The following DCC variants were observed in gnomAD, a reference collection of about 807,000 sequenced individuals.
DCC encodes DCC netrin 1 receptor.
In DCC, 58 loss-of-function variants were observed where a neutral mutation model predicts 172.5. The observed-to-expected ratio is 0.34, with a 90% CI of 0.27 to 0.42. The LOEUF (loss-of-function observed/expected upper bound fraction) is 0.42. Among genes scored for constraint, DCC ranks in the 10% least tolerant of loss-of-function variants. DCC has a pLI of 1.00. For missense variants in DCC, 1,740 were observed against 1,791.0 expected, an observed-to-expected ratio of 0.97 and a Z score of 0.51; for synonymous variants, 709 against 644.5, an observed-to-expected ratio of 1.10 and a Z score of -1.52.
intron 7 of DCC, among the ~76,000 whole-genome samples, chr18:53,126,266 T>C (rs2043555192): frequency 6.6e-6 from 1 of 152,128 alleles, no homozygotes; most frequent in Non-Finnish European, 1.5e-5. Flanking sequence ...TCTTTGGCTT[T>C]CACCCCTGGG....
At chr18:52,368,532 G>A (rs117266149) in intron 1 of DCC, among the ~76,000 whole-genome samples, 1,663 of 152,232 alleles carry the variant, frequency 0.011, 22 homozygotes, top group South Asian at 0.046. Context: ...ACACTTAAGT[G>A]CCTCACACAG....
intron 15 of DCC, among the ~76,000 whole-genome samples, chr18:53,352,336 T>C (rs1450196706): frequency 6.6e-6 from 1 of 152,168 alleles, no homozygotes; most frequent in Non-Finnish European, 1.5e-5. Context: ...AAATGCTGTA[T>C]CTGGGCATTT....
At chr18:53,258,532 T>A (rs995329904) in intron 12 of DCC, among the ~76,000 whole-genome samples, 1 of 152,202 alleles carries the variant, frequency 6.6e-6, no homozygotes, top group Non-Finnish European at 1.5e-5. Context: ...TTGAGTGAGT[T>A]TCTTAATCCT....
At chr18:52,445,696 C>T (rs566515464) in intron 1 of DCC, among the ~76,000 whole-genome samples, 2 of 152,224 alleles carry the variant, frequency 1.3e-5, no homozygotes, top group Admixed American at 6.5e-5. Context: ...ACAAAAGAGA[C>T]CCAGACAAAC....
At chr18:53,123,462 G>C (rs531672963) in intron 7 of DCC, among the ~76,000 whole-genome samples, 1 of 152,020 alleles carries the variant, frequency 6.6e-6, no homozygotes, top group Non-Finnish European at 1.5e-5. Flanking sequence ...GCAGTTCCCA[G>C]AGGCCCTGCA....
chr18:53,075,561 T>TA (rs1491226416), intron 7 of DCC, among the ~76,000 whole-genome samples: 1 of 143,608 alleles, frequency 7.0e-6, no homozygotes, highest in Non-Finnish European at 1.5e-5. Context: ...TTTTTTTTTT[T>TA]AGCTCTCTAG....
intron 7 of DCC, among the ~76,000 whole-genome samples, chr18:53,078,029 T>C (rs2042746026): frequency 6.6e-6 from 1 of 152,088 alleles, no homozygotes; most frequent in South Asian, 2.1e-4. Context: ...TAACAAAGAG[T>C]AAATTCGATA....
At chr18:52,771,164 C>G (rs2037336049) in intron 2 of DCC, among the ~76,000 whole-genome samples, 1 of 152,124 alleles carries the variant, frequency 6.6e-6, no homozygotes, top group Non-Finnish European at 1.5e-5. Flanking sequence ...TGGGATGGCC[C>G]AGCATTAGAG....
At chr18:52,534,257 T>C (rs1466621480) in intron 1 of DCC, among the ~76,000 whole-genome samples, 1 of 152,142 alleles carries the variant, frequency 6.6e-6, no homozygotes, top group African/African-American at 2.4e-5. Flanking sequence ...ACATAACAAC[T>C]CTAAGATCCA....
intron 7 of DCC, among the ~76,000 whole-genome samples, chr18:53,123,692 T>C (rs2144295815): frequency 6.6e-6 from 1 of 152,238 alleles, no homozygotes; most frequent in South Asian, 2.1e-4. Context: ...TTGGTTTTTC[T>C]TTGTTTCATT....
intron 7 of DCC, among the ~76,000 whole-genome samples, chr18:53,081,357 T>C (rs1042779002): frequency 1.3e-5 from 2 of 152,078 alleles, no homozygotes. Context: ...AAATGAATTT[T>C]CTTAAAAAAA....
chr18:52,581,172 T>TCTATATATCTTA (rs1452660013), intron 1 of DCC, among the ~76,000 whole-genome samples: 16 of 4,514 alleles, frequency 3.5e-3, no homozygotes, highest in African/African-American at 5.8e-3. Flanking sequence ...AAACATCTCT[T>TCTATATATCTTA]TCTATCTATA....
At chr18:53,132,562 C>T (rs534797693) in intron 7 of DCC, among the ~76,000 whole-genome samples, 59 of 152,166 alleles carry the variant, frequency 3.9e-4, no homozygotes, top group African/African-American at 1.4e-3. Context: ...ATGCTTTATC[C>T]CAATATGTAT....
At chr18:53,085,308 A>G (rs1434571079) in intron 7 of DCC, among the ~76,000 whole-genome samples, 1 of 152,210 alleles carries the variant, frequency 6.6e-6, no homozygotes, top group Non-Finnish European at 1.5e-5. Context: ...TATGCAAGAA[A>G]ACCAGTATGA....
chr18:53,395,328 T>A (rs959464907), intron 17 of DCC, among the ~76,000 whole-genome samples: 1 of 152,178 alleles, frequency 6.6e-6, no homozygotes, highest in African/African-American at 2.4e-5. Context: ...TGCAAAGGTG[T>A]CAGTCTAGAA....
intron 21 of DCC, among the ~76,000 whole-genome samples, chr18:53,430,544 A>G (rs1389111038): frequency 6.6e-6 from 1 of 152,170 alleles, no homozygotes; most frequent in African/African-American, 2.4e-5. Context: ...CGTGGAAAAG[A>G]TTCTCAATCT....
At chr18:52,821,570 T>A (rs540590190) in intron 2 of DCC, among the ~76,000 whole-genome samples, 2 of 152,338 alleles carry the variant, frequency 1.3e-5, no homozygotes, top group South Asian at 4.1e-4. Flanking sequence ...GAGGCTTTTC[T>A]CTAATCCCTC....
intron 5 of DCC, among the ~76,000 whole-genome samples, chr18:53,040,135 T>C (rs1303293065): frequency 3.9e-5 from 6 of 151,966 alleles, no homozygotes; most frequent in Admixed American, 1.3e-4. Flanking sequence ...AAAATATAGA[T>C]AACAAACTGA....
chr18:53,457,346 G>T (rs904916828), intron 23 of DCC, among the ~76,000 whole-genome samples: 28 of 152,178 alleles, frequency 1.8e-4, no homozygotes, highest in African/African-American at 6.8e-4. Context: ...ATGCTTGTAA[G>T]CAAGGGGAAA....
Sources: gnomAD v4.1 joint callset for allele counts (sites outside exome capture counted in the v4.1 genomes callset) on GRCh38, gnomAD v4.1.1 for gene constraint, MANE v1.5 for transcripts, NCBI Gene and HGNC (gene_info 2026-07-23, HGNC 2026-07-21) for gene names.